ALDH3B2: variants seen among roughly 807,000 people sequenced by gnomAD.
ALDH3B2 encodes aldehyde dehydrogenase 3 family member B2, also known as aldehyde dehydrogenase family 3 member B2.
In ALDH3B2, 45 loss-of-function variants were observed where a neutral mutation model predicts 36.7. That is an observed-to-expected ratio of 1.23 (90% CI 0.97 to 1.57). The LOEUF (loss-of-function observed/expected upper bound fraction) is 1.57. Ranked by LOEUF, ALDH3B2 falls within the 40% of genes most tolerant of loss-of-function variation. ALDH3B2 has a pLI of 0.00. For missense variants in ALDH3B2, 464 were observed against 513.3 expected (o/e 0.90, Z 0.93); for synonymous variants, 217 against 226.5 (o/e 0.96, Z 0.38).
chr11:67,668,268 C>T (rs753634402), intron 1 of ALDH3B2, among the ~76,000 whole-genome samples: 13 of 152,214 alleles, frequency 8.5e-5, no homozygotes, highest in East Asian at 5.8e-4. Context: ...GAGAGAGCTC[C>T]GGGGCTGGTA....
At chr11:67,675,579 A>G (rs1156656610), upstream of ALDH3B2, among the ~76,000 whole-genome samples, 2 of 152,222 alleles carry the variant, frequency 1.3e-5, no homozygotes, top group African/African-American at 2.4e-5. Flanking sequence ...CAGGAGGGAC[A>G]TCTGAGATAA....
At position 67,669,724 on chromosome 11, in the gene ALDH3B2, G is replaced by A. The variant is rs1281367010; in HGVS notation, c.-244-2089C>T. ...TGTATGGGTGTCTGTGTGCGTATGG[G>A]TGTCTGTGTGTGTATGGGTGTCTGT... On this transcript the variant is annotated intron_variant, in intron 1 of 9. Transcript: ENST00000349015. 4.1e-5 allele frequency among the ~76,000 whole-genome samples: 6 copies of A among 147,362 alleles called. 1 individual carries two copies. Among genetic ancestry groups the A allele is most frequent in the African/African-American group, 1.6e-4 (6 of 38,626 alleles).
upstream of ALDH3B2, among the ~76,000 whole-genome samples, chr11:67,677,184 C>T (rs1020132492): frequency 6.6e-6 from 1 of 152,174 alleles, no homozygotes; most frequent in Non-Finnish European, 1.5e-5. Flanking sequence ...CCTTGATGAA[C>T]ATAGATGCTA....
chr11:67,674,229 G>T (rs1358603991), intron 1 of ALDH3B2, among the ~76,000 whole-genome samples: 1 of 152,118 alleles, frequency 6.6e-6, no homozygotes, highest in African/African-American at 2.4e-5. Context: ...AGGGCAAAGT[G>T]AGGCTCAGAA....
exon 5 of ALDH3B2, chr11:67,666,322 C>A (rs972139782): frequency 6.2e-7 from 1 of 1,607,810 alleles, no homozygotes; most frequent in African/African-American, 1.3e-5. Flanking sequence ...TCACCTGGTC[C>A]AGGTACTGGG....
chr11:67,667,687 G>A (rs1019133807), intron 1 of ALDH3B2, 52 bp from the exon 2 acceptor site: 6 of 282,124 alleles, frequency 2.1e-5, no homozygotes, highest in Non-Finnish European at 3.1e-5. Flanking sequence ...CCTCCTTCAC[G>A]GGCACCCTCC....
rs1463250748 is a variant in ALDH3B2, at chr11:67,671,283, A to G, written c.-245+3154T>C. 5 of 152,388 alleles carry G rather than the reference A, an allele frequency of 3.3e-5. No homozygotes were observed. In the East Asian group the frequency reaches 7.7e-4, roughly 23 times the overall value. The allele number at this position is 152,388 out of a possible 1,614,324, so 9.4% of individuals were successfully genotyped here. On this transcript the variant is annotated intron_variant, in intron 1 of 9. Coordinates refer to ENST00000349015, the Ensembl canonical transcript of ALDH3B2. The stretch of plus-strand genomic sequence containing the variant: ...TCGTCGCCTGTCCTCACATGTGCAC[A>G]TCTGGTGCTCGGTGAAATAATCACG...
At chr11:67,667,401 G>A in intron 2 of ALDH3B2, 72 bp downstream of exon 2, 1 of 347,910 alleles carries the variant, frequency 2.9e-6, no homozygotes, top group Non-Finnish European at 5.3e-6. Context: ...GTCACTAGGG[G>A]GCACGGGCCC....
upstream of ALDH3B2, among the ~76,000 whole-genome samples, chr11:67,678,088 T>C (rs1057224523): frequency 4.6e-5 from 7 of 152,136 alleles, no homozygotes; most frequent in Admixed American, 6.5e-5. Flanking sequence ...AACACCACCA[T>C]CTTTCTTCAC....
intron 1 of ALDH3B2, among the ~76,000 whole-genome samples, chr11:67,680,335 A>G (rs905121766): frequency 2.6e-5 from 4 of 152,226 alleles, no homozygotes; most frequent in African/African-American, 9.6e-5. Flanking sequence ...GTACCAGATT[A>G]TAATTTTTCT....
exon 3 of ALDH3B2, chr11:67,666,995 A>G: frequency 6.2e-7 from 1 of 1,604,836 alleles, no homozygotes; most frequent in Non-Finnish European, 8.5e-7. Flanking sequence ...ATGAGCTCAG[A>G]TATGTCTGCC....
chr11:67,662,348 T>C (rs1306012496), exon 10 of ALDH3B2: 2 of 152,100 alleles, frequency 1.3e-5, no homozygotes, highest in African/African-American at 4.8e-5. Flanking sequence ...TTGGCGATGG[T>C]TTTCTGGTGG....
In ALDH3B2 at chr11:67,672,933, C is replaced by CT. The variant is rs532673446; in HGVS notation, c.-245+1503dup. On this transcript the variant is annotated intron_variant, in intron 1 of 9. Coordinates refer to ENST00000349015, the Ensembl canonical transcript of ALDH3B2. ...TCTTTCTTTTCTTTTCTTTTCTTTT[C>CT]TTTTTTTTTTTTTTTGAGACGGAGT... Among the ~76,000 whole-genome samples the CT allele has an allele frequency of 6.4e-3, 758 of 118,294 alleles. 5 individuals carry two copies. The highest frequency in any genetic ancestry group is 0.013 in the East Asian group (56 of 4,252). The allele number at this position is 118,294 out of a possible 152,430, so 77.6% of individuals were successfully genotyped here. A position where few individuals can be genotyped will look rare whatever the true frequency, so the allele number is the denominator to read the frequency against.
chr11:67,664,630 G>A, intron 7 of ALDH3B2, 68 bp from the exon 8 acceptor site: 2 of 1,582,608 alleles, frequency 1.3e-6, no homozygotes, highest in South Asian at 2.3e-5. Flanking sequence ...TAGGGTAGAG[G>A]TGGGGACAGG....
chr11:67,675,440 G>A (rs1856247390), upstream of ALDH3B2, among the ~76,000 whole-genome samples: 1 of 152,194 alleles, frequency 6.6e-6, no homozygotes, highest in South Asian at 2.1e-4. Context: ...AATGAGCTCA[G>A]GTCCTGCCAC....
rs1289683802 is a variant in ALDH3B2 at position 67,665,537 on chromosome 11, C to T, written c.454G>A (p.Ala152Thr). ...CCGGCATTGAAGTAGCAGAACCAGG[C>T]CACGCGGTTGGCCACGGTCTGGGGG... Residue 152 changes from alanine (A) to threonine (T), a missense_variant, in exon 7 of 10, where the codon GCC (alanine) becomes ACC (threonine). Ala to Thr is a moderately conservative substitution (Grantham distance 58). Transcript: ENST00000349015. 1 of 1,614,064 alleles carries T rather than the reference C, an allele frequency of 6.2e-7. No homozygotes were observed. Among genetic ancestry groups the T allele is most frequent in the Admixed American group, 1.7e-5 (1 of 60,012 alleles).
chr11:67,665,473 G>T (rs1437936045), exon 7 of ALDH3B2: 1 of 1,614,106 alleles, frequency 6.2e-7, no homozygotes, highest in South Asian at 1.1e-5. Context: ...CTGCATCTCG[G>T]GGCTGCACAG....
exon 7 of ALDH3B2, chr11:67,665,602 A>C: frequency 6.2e-7 from 1 of 1,613,982 alleles, no homozygotes; most frequent in South Asian, 1.1e-5. Flanking sequence ...CTTGCCCCCC[A>C]GCTCCAGGGT....
chr11:67,670,309 GGT>G (rs750938010), intron 1 of ALDH3B2, among the ~76,000 whole-genome samples: 18 of 148,844 alleles, frequency 1.2e-4, no homozygotes, highest in Non-Finnish European at 2.1e-4. Flanking sequence ...TATGCGTATG[GGT>G]GTGTGTGTCC....
Sources: allele counts gnomAD v4.1 joint callset (sites outside exome capture counted in the v4.1 genomes callset), GRCh38; gene constraint gnomAD v4.1.1; transcripts MANE v1.5; gene names NCBI Gene and HGNC (gene_info 2026-07-23, HGNC 2026-07-21).